The following ATAD1 variants were observed in gnomAD, a reference collection of about 807,000 sequenced individuals.
ATAD1 encodes outer mitochondrial transmembrane helix translocase.
Under a neutral mutation model 42.7 loss-of-function variants are expected in ATAD1, and 18 were observed. The ratio of observed to expected loss-of-function variants is 0.42; its 90% CI spans 0.29 to 0.63. The LOEUF is 0.63. Among genes scored for constraint, ATAD1 ranks in the 20% least tolerant of loss-of-function variants. The pLI, the probability that ATAD1 is intolerant of heterozygous loss-of-function variation, is 0.19. For missense variants in ATAD1, 294 were observed against 440.4 expected, an observed-to-expected ratio of 0.67 and a Z score of 2.98; for synonymous variants, 132 against 143.1, an observed-to-expected ratio of 0.92 and a Z score of 0.55.
intron 5 of ATAD1, among the ~76,000 whole-genome samples, chr10:87,777,144 T>G (rs1855342233): frequency 1.3e-5 from 2 of 152,214 alleles, no homozygotes; most frequent in South Asian, 4.1e-4. Context: ...GATCTAGTAC[T>G]GAGAGGCTGG....
intron 6 of ATAD1, among the ~76,000 whole-genome samples, chr10:87,773,174 A>C (rs1855132494): frequency 1.3e-5 from 2 of 152,164 alleles, no homozygotes; most frequent in Admixed American, 6.5e-5. Context: ...TTTAAAAAAA[A>C]CTCTTTAAAA....
At chr10:87,776,744 A>G (rs1445471592) in intron 5 of ATAD1, among the ~76,000 whole-genome samples, 1 of 152,128 alleles carries the variant, frequency 6.6e-6, no homozygotes, top group Non-Finnish European at 1.5e-5. Flanking sequence ...TGCTGGGATT[A>G]CAGGCATGAG....
chr10:87,827,490 A>T (rs1326435263), intron 1 of ATAD1, among the ~76,000 whole-genome samples: 1 of 152,184 alleles, frequency 6.6e-6, no homozygotes, highest in Non-Finnish European at 1.5e-5. Flanking sequence ...AACAGCATGT[A>T]CTCACTTTGT....
At chr10:87,819,978 C>G (rs929450808), upstream of ATAD1, among the ~76,000 whole-genome samples, 2 of 151,118 alleles carry the variant, frequency 1.3e-5, no homozygotes, top group African/African-American at 4.9e-5. Context: ...TGCCTACATT[C>G]CTAATTTAAA....
At chr10:87,779,810 A>C (rs1490595916) in intron 5 of ATAD1, among the ~76,000 whole-genome samples, 1 of 152,246 alleles carries the variant, frequency 6.6e-6, no homozygotes, top group Non-Finnish European at 1.5e-5. Flanking sequence ...AAAAATCCCC[A>C]AAATTAATAA....
intron 2 of ATAD1, among the ~76,000 whole-genome samples, chr10:87,809,690 C>T (rs975491207): frequency 2.6e-4 from 40 of 151,350 alleles, no homozygotes; most frequent in Non-Finnish European, 4.7e-4. Flanking sequence ...GAGTTTCTCT[C>T]TTGTTGCCCA....
intron 1 of ATAD1, among the ~76,000 whole-genome samples, chr10:87,825,510 C>T (rs1048399121): frequency 1.3e-5 from 2 of 151,912 alleles, no homozygotes; most frequent in Non-Finnish European, 1.5e-5. Context: ...GGGGTTTCAC[C>T]GTGTTAGCCA....
intron 1 of ATAD1, among the ~76,000 whole-genome samples, chr10:87,825,308 C>CTTTT (rs1267573215): frequency 1.5e-5 from 2 of 132,942 alleles, no homozygotes; most frequent in Admixed American, 7.9e-5. Flanking sequence ...AAATCTTAAC[C>CTTTT]TTTTTTTTTT....
chr10:87,770,745 T>C (rs1854990888), intron 7 of ATAD1, among the ~76,000 whole-genome samples: 1 of 151,962 alleles, frequency 6.6e-6, no homozygotes, highest in South Asian at 2.1e-4. Context: ...TATATATATA[T>C]ACTTTGAAGA....
chr10:87,788,387 A>C (rs1007890902), intron 4 of ATAD1, among the ~76,000 whole-genome samples: 2 of 152,190 alleles, frequency 1.3e-5, no homozygotes, highest in Non-Finnish European at 2.9e-5. Context: ...ACCAATATCC[A>C]ATTTATATTG....
chr10:87,825,795 C>T (rs1044053199), intron 1 of ATAD1, among the ~76,000 whole-genome samples: 7 of 151,944 alleles, frequency 4.6e-5, no homozygotes, highest in South Asian at 2.1e-4. Context: ...TCAAACTCCT[C>T]GGCTTAAGCA....
At chr10:87,828,509 A>G (rs1857769178) in intron 1 of ATAD1, among the ~76,000 whole-genome samples, 1 of 152,226 alleles carries the variant, frequency 6.6e-6, no homozygotes, top group African/African-American at 2.4e-5. Context: ...ATGAGGTTTA[A>G]GGAAGGAAGC....
At chr10:87,813,492 A>G (rs1857277593) in intron 2 of ATAD1, among the ~76,000 whole-genome samples, 2 of 152,088 alleles carry the variant, frequency 1.3e-5, no homozygotes, top group South Asian at 4.1e-4. Flanking sequence ...AGTGCCTTTC[A>G]GATATATACT....
At chr10:87,773,184 A>G (rs1189643006) in intron 6 of ATAD1, among the ~76,000 whole-genome samples, 1 of 152,234 alleles carries the variant, frequency 6.6e-6, no homozygotes, top group Non-Finnish European at 1.5e-5. Context: ...ACTCTTTAAA[A>G]CAAAACATAA....
chr10:87,820,549 G>A (rs983928971), upstream of ATAD1, among the ~76,000 whole-genome samples: 1 of 152,158 alleles, frequency 6.6e-6, no homozygotes, highest in Non-Finnish European at 1.5e-5. Flanking sequence ...GGAGTTCCCA[G>A]TATGGTTACA....
Position 87,758,226 on chromosome 10 carries a change from ATAT to A in ATAD1, c.832-1307_832-1305del, listed in dbSNP as rs200626623. 3.1e-3 allele frequency among the ~76,000 whole-genome samples: 474 copies of A among 152,144 alleles called. 3 individuals carry two copies. Among genetic ancestry groups the A allele is most frequent in the African/African-American group, 0.011 (450 of 41,430 alleles). The stretch of plus-strand genomic sequence containing the variant: ...TTAAAGCATTAAAAAGAGGGTACAG[ATAT>A]TATTAACTTAGACTTTATGTATGTA... On this transcript the variant is annotated intron_variant, in intron 8 of 9. Coordinates refer to ENST00000680024, the MANE Select transcript of ATAD1 (RefSeq NM_001321967.2).
intron 8 of ATAD1, among the ~76,000 whole-genome samples, chr10:87,765,815 C>T (rs756715297): frequency 9.2e-4 from 140 of 152,164 alleles, no homozygotes; most frequent in Middle Eastern, 3.4e-3. Context: ...ATTGCTTGAA[C>T]CCAGGAGTTC....
At chr10:87,771,089 CCT>C in intron 6 of ATAD1, 48 bp from the exon 7 acceptor site, 2 of 1,421,600 alleles carry the variant, frequency 1.4e-6, no homozygotes, top group African/African-American at 1.4e-5. Context: ...CAATTATACT[CCT>C]CTGAGAATGT....
chr10:87,796,986 A>G (rs1386546938), intron 2 of ATAD1, among the ~76,000 whole-genome samples: 2 of 152,104 alleles, frequency 1.3e-5, no homozygotes, highest in Admixed American at 1.3e-4. Flanking sequence ...TCCTTTACAG[A>G]GTTTGAGCTC....
Sources: allele counts gnomAD v4.1 joint callset (sites outside exome capture counted in the v4.1 genomes callset), GRCh38; gene constraint gnomAD v4.1.1; transcripts MANE v1.5; gene names NCBI Gene and HGNC (gene_info 2026-07-23, HGNC 2026-07-21).